Variants in LAS1L observed in about 807,000 individuals in gnomAD.
LAS1L encodes the protein ribosomal biogenesis protein LAS1L.
Under a neutral mutation model 57.3 loss-of-function variants are expected in LAS1L, and 5 were observed. The observed-to-expected ratio is 0.09, with a 90% CI of 0.05 to 0.18. The LOEUF is 0.18. LAS1L is among the 10% of genes least tolerant of loss of function. The probability of loss-of-function intolerance (pLI) is 1.00; values close to 1 mark genes in which losing one functional copy is unlikely to be tolerated. For missense variants in LAS1L, 360 were observed against 568.3 expected, an observed-to-expected ratio of 0.63 and a Z score of 3.73; for synonymous variants, 245 against 231.7, an observed-to-expected ratio of 1.06 and a Z score of -0.52.
intron 13 of LAS1L, among the ~76,000 whole-genome samples, chrX:65,513,623 T>G (rs2068522764): frequency 1.8e-5 from 2 of 112,345 alleles, no homozygotes; most frequent in Non-Finnish European, 3.8e-5. Flanking sequence ...GGAATGGACT[T>G]TCCCAAGGCC....
chrX:65,529,306 T>C, intron 5 of LAS1L, 48 bp from the exon 6 acceptor site: 1 of 1,046,118 alleles, frequency 9.6e-7, no homozygotes, highest in Non-Finnish European at 1.3e-6. Context: ...CCAGACCCCT[T>C]CTCCTGATGG....
chrX:65,531,506 GATTA>G, intron 3 of LAS1L, 68 bp from the exon 4 acceptor site: 1 of 795,141 alleles, frequency 1.3e-6, no homozygotes, highest in Non-Finnish European at 1.9e-6. Context: ...GGGAGCCAGA[GATTA>G]ATTATCCTGA....
At chrX:65,514,668 T>C (rs1283834867) in intron 13 of LAS1L, among the ~76,000 whole-genome samples, 155 bp downstream of exon 13, 8 of 110,295 alleles carry the variant, frequency 7.3e-5, no homozygotes, top group African/African-American at 1.0e-4. Context: ...CAGGGAGAGC[T>C]GGCAAGGGCC....
intron 7 of LAS1L, among the ~76,000 whole-genome samples, chrX:65,525,996 T>C (rs1345822159): frequency 9.0e-6 from 1 of 111,211 alleles, no homozygotes; most frequent in Non-Finnish European, 1.9e-5. Context: ...GACTTGGTGC[T>C]GTTCCCACAG....
chrX:65,533,505 G>C, intron 2 of LAS1L, 105 bp downstream of exon 2: 1 of 733,184 alleles, frequency 1.4e-6, no homozygotes, highest in East Asian at 3.2e-5. Context: ...GTACACGCAG[G>C]GTTTTGCTTC....
Position 65,512,701 on chromosome X carries a change from G to A in LAS1L, c.*74C>T. On this transcript the variant is annotated 3_prime_UTR_variant, in exon 14 of 14. Coordinates refer to ENST00000374811, the MANE Select transcript of LAS1L (RefSeq NM_031206.7). ...CAGGCTGTCTCCCAGGTTGTCTCAG[G>A]GAGCATCAGTTGTACTAGGGGGTGG... The A allele has an allele frequency of 2.8e-6, 3 of 1,077,871 alleles. No individual in the cohort carries two copies. The highest frequency in any genetic ancestry group is 3.7e-6 in the Non-Finnish European group (3 of 812,688). 88.8% of individuals were successfully genotyped at this position (1,077,871 alleles called of 1,213,427 possible).
chrX:65,532,401 T>C (rs1025890222), intron 3 of LAS1L, among the ~76,000 whole-genome samples, 160 bp downstream of exon 3: 1 of 112,817 alleles, frequency 8.9e-6, no homozygotes, highest in Non-Finnish European at 1.9e-5. Flanking sequence ...GGAGCAACTG[T>C]GCCTCCTTCA....
At chrX:65,529,092 C>A (rs1156647077) in intron 6 of LAS1L, 120 bp downstream of exon 6, 10 of 606,557 alleles carry the variant, frequency 1.6e-5, no homozygotes, top group Non-Finnish European at 2.8e-5. Flanking sequence ...CCGAGAAGTT[C>A]CCTCACGCTT....
chrX:65,526,276 A>G (rs1444104641), intron 7 of LAS1L, among the ~76,000 whole-genome samples: 1 of 111,585 alleles, frequency 9.0e-6, no homozygotes, highest in African/African-American at 3.3e-5. Flanking sequence ...CTAAACAGAT[A>G]TAGACATTCT....
chrX:65,518,306 A>G lies in LAS1L; in HGVS notation c.1608T>C (p.Tyr536=), dbSNP rs1390519004. 40 of 1,210,664 alleles carry G rather than the reference A, an allele frequency of 3.3e-5. No individual in the cohort carries two copies. Among genetic ancestry groups the G allele is most frequent in the Non-Finnish European group, 4.5e-5 (40 of 895,372 alleles). Residue 536 remains tyrosine, a synonymous_variant, in exon 12 of 14, where the codon TAT becomes TAC. Coordinates refer to ENST00000374811, the MANE Select transcript of LAS1L (RefSeq NM_031206.7). ...GKSPYTLDSL[Y]WSVKPASSSF... is the part of the protein sequence containing the mutation. The stretch of plus-strand genomic sequence containing the variant: ...TGGAGCTGGCTGGCTTGACGCTCCA[A>G]TACAGGCTGTCTAGTGTATATGGAG...
Position 65,528,352 on chromosome X carries a change from C to T in LAS1L, c.864G>A (p.Arg288=). ...ACGCCTTAATGGCCTTAGGTAAATA[C>T]CTAAATTTCTCCAGCACCTGCCAGC... The part of the protein sequence containing the change: ...EEQFTVLEKF[R]YLPKAIKAWN... The change falls in exon 7 of 14, where the codon AGG becomes AGA. Residue 288 remains arginine (R), a synonymous_variant. Coordinates refer to ENST00000374811, the MANE Select transcript of LAS1L (RefSeq NM_031206.7). 1 of 1,177,353 alleles carries T rather than the reference C, an allele frequency of 8.5e-7. No individual in the cohort carries two copies. Among genetic ancestry groups the T allele is most frequent in the Non-Finnish European group, 1.1e-6 (1 of 873,397 alleles).
At position 65,529,646 on chromosome X, in the gene LAS1L, G is replaced by A. The variant is rs745356580; in HGVS notation, c.747C>T (p.Ser249=). 1.2e-5 allele frequency: 15 copies of A among 1,209,516 alleles called. No homozygotes were observed. Among genetic ancestry groups the A allele is most frequent in the Middle Eastern group, 4.6e-4 (2 of 4,371 alleles). Residue 249 remains serine (S), a synonymous_variant, in exon 5 of 14, where the codon AGC becomes AGT. Transcript: ENST00000374811. The part of the protein sequence containing the change: ...DVKADGDSKG[S]EEVDSHCKKA... ...TTTTGCAATGAGAATCCACCTCTTCGCTGCCTTTGCTGTCTCCATCGGCCT... is the reference window on the plus strand; with the variant it reads ...TTTTGCAATGAGAATCCACCTCTTCACTGCCTTTGCTGTCTCCATCGGCCT...
At chrX:65,523,417 C>G (rs747945713) in intron 11 of LAS1L, 143 bp downstream of exon 11, 28 of 581,063 alleles carry the variant, frequency 4.8e-5, no homozygotes, top group Non-Finnish European at 6.9e-5. Flanking sequence ...CCTCTCTGGA[C>G]TCAGTTGTCC....
intron 6 of LAS1L, 68 bp from the exon 7 acceptor site, chrX:65,528,437 T>C: frequency 3.2e-6 from 2 of 632,755 alleles, no homozygotes; most frequent in Admixed American, 5.4e-5. Context: ...CCCTCCAGGA[T>C]CCCTTCCCAT....
intron 3 of LAS1L, among the ~76,000 whole-genome samples, 167 bp downstream of exon 3, chrX:65,532,394 G>A (rs1201114088): frequency 2.7e-5 from 3 of 112,868 alleles, no homozygotes; most frequent in Non-Finnish European, 5.6e-5. Context: ...GAGCAAGGGA[G>A]CAACTGTGCC....
intron 7 of LAS1L, among the ~76,000 whole-genome samples, chrX:65,525,382 C>T (rs910539672): frequency 6.3e-5 from 7 of 111,877 alleles, no homozygotes; most frequent in African/African-American, 1.6e-4. Flanking sequence ...TCCACATCCA[C>T]AGAAGGAAAT....
chrX:65,522,235 G>A (rs953849481), intron 11 of LAS1L: 1 of 110,189 alleles, frequency 9.1e-6, no homozygotes, highest in African/African-American at 3.3e-5. Context: ...CACGAGGGCT[G>A]GACCTCAGGT....
At chrX:65,532,131 C>T (rs1353039631) in intron 3 of LAS1L, among the ~76,000 whole-genome samples, 1 of 111,770 alleles carries the variant, frequency 8.9e-6, no homozygotes, top group African/African-American at 3.3e-5. Flanking sequence ...GCATGCCTGC[C>T]CTCTGGGCCT....
At chrX:65,527,720 C>G (rs2069239035) in intron 7 of LAS1L, among the ~76,000 whole-genome samples, 1 of 109,078 alleles carries the variant, frequency 9.2e-6, no homozygotes, top group African/African-American at 3.4e-5. Context: ...GTAGTCCCAG[C>G]TACTCTGGTG....
Sources: allele counts gnomAD v4.1 joint callset (sites outside exome capture counted in the v4.1 genomes callset), GRCh38; gene constraint gnomAD v4.1.1; transcripts MANE v1.5; gene names NCBI Gene and HGNC (gene_info 2026-07-23, HGNC 2026-07-21).